Variants in FOXN3 observed in about 807,000 individuals in gnomAD.
FOXN3 encodes the protein forkhead box protein N3.
A neutral mutation model predicts 38.4 loss-of-function variants in FOXN3; 7 were observed. That is an observed-to-expected ratio of 0.18 (90% CI 0.10 to 0.34). The LOEUF (loss-of-function observed/expected upper bound fraction) is 0.34, where lower values mean the gene tolerates loss of function less well. FOXN3 is among the 10% of genes least tolerant of loss of function. The pLI, the probability that FOXN3 is intolerant of heterozygous loss-of-function variation, is 1.00. For synonymous variants in FOXN3, 230 were observed against 242.2 expected, an observed-to-expected ratio of 0.95 and a Z score of 0.47; for missense variants, 456 against 613.4, an observed-to-expected ratio of 0.74 and a Z score of 2.71.
At chr14:89,513,951 C>T (rs1411780283) in intron 1 of FOXN3, among the ~76,000 whole-genome samples, 1 of 152,044 alleles carries the variant, frequency 6.6e-6, no homozygotes, top group Non-Finnish European at 1.5e-5. Context: ...CGCACGCACA[C>T]ACGCCCTCTC....
chr14:89,334,721 ATTTGT>A (rs897230457), intron 3 of FOXN3, among the ~76,000 whole-genome samples: 9 of 152,026 alleles, frequency 5.9e-5, no homozygotes, highest in Non-Finnish European at 8.8e-5. Flanking sequence ...AAAAGAGTAG[ATTTGT>A]TTTGTTTTGT....
In FOXN3 at chr14:89,395,728, G is replaced by A. The variant is rs550874562; in HGVS notation, c.543+16206C>T. Among the ~76,000 whole-genome samples, 24 of 152,144 alleles carry A rather than the reference G, an allele frequency of 1.6e-4. 1 individual carries two copies. The highest frequency in any genetic ancestry group is 5.5e-4 in the African/African-American group (23 of 41,500). ...GTTTAGGATACCACACAGGAGTAGT[G>A]TAATTACCTTATTACTATTTATTAA... On this transcript the variant is annotated intron_variant, in intron 2 of 5. Coordinates refer to ENST00000557258, the MANE Select transcript of FOXN3 (RefSeq NM_005197.4).
upstream of FOXN3, among the ~76,000 whole-genome samples, chr14:89,420,736 C>T (rs1014824192): frequency 3.9e-5 from 6 of 152,026 alleles, no homozygotes; most frequent in Non-Finnish European, 7.4e-5. Context: ...CCCTAAAGAG[C>T]ACACAGATTA....
chr14:89,446,646 TACA>T (rs1452784191), intron 1 of FOXN3, among the ~76,000 whole-genome samples: 3 of 152,238 alleles, frequency 2.0e-5, no homozygotes, highest in African/African-American at 7.2e-5. Flanking sequence ...AATTTGTTTC[TACA>T]ACAACAAAAT....
At chr14:89,243,926 C>G (rs1885213518) in intron 4 of FOXN3, among the ~76,000 whole-genome samples, 1 of 152,170 alleles carries the variant, frequency 6.6e-6, no homozygotes, top group African/African-American at 2.4e-5. Flanking sequence ...CATAAGGGCT[C>G]CCCTAAGCTC....
chr14:89,346,727 T>C (rs1265963564), intron 3 of FOXN3, among the ~76,000 whole-genome samples: 1 of 152,182 alleles, frequency 6.6e-6, no homozygotes, highest in Non-Finnish European at 1.5e-5. Context: ...GGTCATTAAG[T>C]GCAGCCATTC....
intron 1 of FOXN3, among the ~76,000 whole-genome samples, chr14:89,525,989 A>AG (rs1894425037): frequency 6.6e-6 from 1 of 151,434 alleles, no homozygotes; most frequent in South Asian, 2.1e-4. Context: ...AATAAAATGG[A>AG]CAATAGTTAG....
intron 1 of FOXN3, among the ~76,000 whole-genome samples, chr14:89,434,221 C>CTTT (rs1197630812): frequency 4.0e-5 from 5 of 124,714 alleles, no homozygotes; most frequent in Admixed American, 1.7e-4. Context: ...CTGCGCAAGC[C>CTTT]TTTTTTTTTT....
intron 1 of FOXN3, among the ~76,000 whole-genome samples, chr14:89,441,015 G>C (rs942981247): frequency 7.9e-5 from 12 of 152,302 alleles, no homozygotes; most frequent in African/African-American, 2.6e-4. Flanking sequence ...CTTTAGGAGA[G>C]AGGATGGGCA....
intron 4 of FOXN3, among the ~76,000 whole-genome samples, chr14:89,222,661 C>A (rs992221546): frequency 3.3e-5 from 5 of 152,078 alleles, no homozygotes; most frequent in African/African-American, 1.2e-4. Context: ...CTCAGCAAGC[C>A]GGGAAGGCAG....
intron 4 of FOXN3, among the ~76,000 whole-genome samples, chr14:89,266,058 A>C (rs1325526212): frequency 2.0e-5 from 3 of 152,170 alleles, no homozygotes; most frequent in Non-Finnish European, 4.4e-5. Context: ...TTAGCAGCCA[A>C]AGTTGACCCC....
At chr14:89,392,747 TCTC>T (rs1397791946) in intron 2 of FOXN3, among the ~76,000 whole-genome samples, 1 of 150,198 alleles carries the variant, frequency 6.7e-6, no homozygotes, top group East Asian at 2.0e-4. Context: ...TTCAAGCAAT[TCTC>T]CTGCCGCAGC....
intron 1 of FOXN3, among the ~76,000 whole-genome samples, chr14:89,422,835 AG>A (rs1891942848): frequency 6.6e-6 from 1 of 152,212 alleles, no homozygotes; most frequent in South Asian, 2.1e-4. Flanking sequence ...AGAGGGAAGC[AG>A]GGTGTGTAGT....
chr14:89,493,663 C>T (rs989497647), intron 1 of FOXN3, among the ~76,000 whole-genome samples: 5 of 152,050 alleles, frequency 3.3e-5, no homozygotes, highest in Non-Finnish European at 7.4e-5. Flanking sequence ...TCCCCTTAAC[C>T]GCACACCTAA....
At chr14:89,297,361 G>A (rs1887072027) in intron 3 of FOXN3, among the ~76,000 whole-genome samples, 1 of 151,996 alleles carries the variant, frequency 6.6e-6, no homozygotes, top group Non-Finnish European at 1.5e-5. Flanking sequence ...AGGAGATCGA[G>A]ACCATCCTGG....
At chr14:89,579,155 T>G (rs895844363) in intron 1 of FOXN3, among the ~76,000 whole-genome samples, 1 of 127,482 alleles carries the variant, frequency 7.8e-6, no homozygotes, top group Non-Finnish European at 1.7e-5. Flanking sequence ...CAGCCATTTT[T>G]TTTTTTTTTT....
intron 1 of FOXN3, among the ~76,000 whole-genome samples, chr14:89,478,291 C>T (rs898380743): frequency 1.3e-5 from 2 of 152,168 alleles, no homozygotes; most frequent in African/African-American, 2.4e-5. Context: ...GCTTCCTGTA[C>T]AGCCTGCAGA....
chr14:89,212,897 A>ATTG (rs1358920556), intron 4 of FOXN3, among the ~76,000 whole-genome samples: 3 of 152,120 alleles, frequency 2.0e-5, no homozygotes, highest in Non-Finnish European at 2.9e-5. Flanking sequence ...TCTGGAGCTC[A>ATTG]TTGTTGCTAA....
At chr14:89,542,472 CTT>C (rs1208462354) in intron 1 of FOXN3, among the ~76,000 whole-genome samples, 1 of 152,232 alleles carries the variant, frequency 6.6e-6, no homozygotes, top group Admixed American at 6.5e-5. Context: ...CTCTGACAGA[CTT>C]TTCACAATTA....
Sources: allele counts gnomAD v4.1 joint callset (sites outside exome capture counted in the v4.1 genomes callset), GRCh38; gene constraint gnomAD v4.1.1; transcripts MANE v1.5; gene names NCBI Gene and HGNC (gene_info 2026-07-23, HGNC 2026-07-21).